LRP1B: variants seen among roughly 807,000 people sequenced by gnomAD.
The protein encoded by LRP1B is low-density lipoprotein receptor-related protein 1B.
In LRP1B, 217 loss-of-function variants were observed where a neutral mutation model predicts 556.6. That is an observed-to-expected ratio of 0.39 (90% CI 0.35 to 0.44). LRP1B has a LOEUF of 0.44. Among genes scored for constraint, LRP1B ranks in the 20% least tolerant of loss-of-function variants. LRP1B has a pLI of 1.00. For missense variants in LRP1B, 5,053 were observed against 5,620.8 expected, an observed-to-expected ratio of 0.90 and a Z score of 3.23; for synonymous variants, 2,047 against 1,865.8, an observed-to-expected ratio of 1.10 and a Z score of -2.50.
intron 2 of LRP1B, among the ~76,000 whole-genome samples, chr2:141,659,800 C>G (rs984412001): frequency 1.3e-5 from 2 of 152,076 alleles, no homozygotes; most frequent in Non-Finnish European, 2.9e-5. Context: ...ATCTCTCATA[C>G]AGGAAGCACT....
chr2:140,284,369 A>T (rs1006919029), intron 84 of LRP1B, among the ~76,000 whole-genome samples: 9 of 145,384 alleles, frequency 6.2e-5, no homozygotes, highest in African/African-American at 2.3e-4. Context: ...CTGGAAAGGA[A>T]TTCATGGAGA....
intron 2 of LRP1B, among the ~76,000 whole-genome samples, chr2:141,689,720 T>G (rs1285618236): frequency 6.6e-6 from 1 of 151,790 alleles, no homozygotes; most frequent in Non-Finnish European, 1.5e-5. Flanking sequence ...AAAACTTCCT[T>G]GATAAAGGTT....
chr2:140,748,417 AATAT>A (rs1218683579), intron 35 of LRP1B, among the ~76,000 whole-genome samples: 1 of 98,042 alleles, frequency 1.0e-5, no homozygotes, highest in African/African-American at 3.6e-5. Context: ...ATTCATATAT[AATAT>A]ATATTATATT....
intron 67 of LRP1B, among the ~76,000 whole-genome samples, chr2:140,381,543 G>A (rs935702184): frequency 2.0e-5 from 3 of 152,014 alleles, no homozygotes; most frequent in Non-Finnish European, 4.4e-5. Flanking sequence ...TGTTTCAGAA[G>A]GCTAATTGGG....
chr2:141,777,272 T>A (rs1455762372), intron 2 of LRP1B, among the ~76,000 whole-genome samples: 1 of 151,848 alleles, frequency 6.6e-6, no homozygotes. Flanking sequence ...ATAAAGAAAA[T>A]CCAACTTCAA....
chr2:141,540,425 GT>G (rs1368213815), intron 2 of LRP1B, among the ~76,000 whole-genome samples: 1 of 151,964 alleles, frequency 6.6e-6, no homozygotes, highest in Non-Finnish European at 1.5e-5. Context: ...TCTAATTTGA[GT>G]TTTAAAGAGT....
chr2:141,005,695 A>G (rs1444211593), intron 14 of LRP1B, among the ~76,000 whole-genome samples: 2 of 151,996 alleles, frequency 1.3e-5, no homozygotes, highest in African/African-American at 4.8e-5. Flanking sequence ...GAGTGAAGTT[A>G]GGTTCTAGGT....
chr2:141,981,562 G>A (rs547755523), intron 1 of LRP1B, among the ~76,000 whole-genome samples: 1 of 152,198 alleles, frequency 6.6e-6, no homozygotes, highest in South Asian at 2.1e-4. Context: ...GAGATTATAA[G>A]CAGGGGATTT....
At chr2:141,372,553 T>C (rs1423222700) in intron 3 of LRP1B, among the ~76,000 whole-genome samples, 1 of 152,028 alleles carries the variant, frequency 6.6e-6, no homozygotes, top group African/African-American at 2.4e-5. Context: ...TTTTATTACT[T>C]ATTCAATCCC....
At chr2:141,585,371 T>G (rs1175596332) in intron 2 of LRP1B, among the ~76,000 whole-genome samples, 1 of 151,968 alleles carries the variant, frequency 6.6e-6, no homozygotes, top group Admixed American at 6.6e-5. Context: ...AAAATACTCA[T>G]GTTAGTAGGC....
At chr2:141,303,729 A>T (rs1402101118) in intron 3 of LRP1B, among the ~76,000 whole-genome samples, 1 of 152,156 alleles carries the variant, frequency 6.6e-6, no homozygotes, top group Non-Finnish European at 1.5e-5. Flanking sequence ...CAGTAAATAC[A>T]GAGATGCAGG....
intron 23 of LRP1B, among the ~76,000 whole-genome samples, chr2:140,900,730 TAAG>T (rs1386889449): frequency 1.3e-5 from 2 of 151,810 alleles, no homozygotes; most frequent in East Asian, 1.9e-4. Flanking sequence ...TGTAAAGAAA[TAAG>T]AAGATATCTA....
chr2:141,259,757 A>C (rs1312503747), intron 3 of LRP1B, among the ~76,000 whole-genome samples: 1 of 152,224 alleles, frequency 6.6e-6, no homozygotes, highest in Non-Finnish European at 1.5e-5. Flanking sequence ...TAAAGCTCTC[A>C]TTACATGCTT....
At chr2:140,932,270 A>C (rs1353213243) in intron 20 of LRP1B, among the ~76,000 whole-genome samples, 5 of 152,120 alleles carry the variant, frequency 3.3e-5, no homozygotes, top group Admixed American at 2.0e-4. Flanking sequence ...TCAAGATTAC[A>C]GATCTTTATA....
At chr2:141,564,028 T>C (rs1438957945) in intron 2 of LRP1B, among the ~76,000 whole-genome samples, 1 of 152,026 alleles carries the variant, frequency 6.6e-6, no homozygotes, top group Non-Finnish European at 1.5e-5. Flanking sequence ...AAAGTTGAAA[T>C]TATTTTACAA....
chr2:141,510,513 A>G (rs980201761), intron 2 of LRP1B, among the ~76,000 whole-genome samples: 2 of 152,064 alleles, frequency 1.3e-5, no homozygotes, highest in Non-Finnish European at 2.9e-5. Flanking sequence ...TTTTACCAGC[A>G]GGTGTGTTGG....
At chr2:140,696,016 G>A (rs1359849070) in intron 41 of LRP1B, among the ~76,000 whole-genome samples, 3 of 152,088 alleles carry the variant, frequency 2.0e-5, no homozygotes, top group Non-Finnish European at 4.4e-5. Context: ...GTGAAATTTA[G>A]AACTCTCTGA....
At chr2:141,010,951 GGTGTGTGTGT>G (rs71995663) in intron 14 of LRP1B, among the ~76,000 whole-genome samples, 14 of 144,662 alleles carry the variant, frequency 9.7e-5, no homozygotes, top group South Asian at 4.4e-4. Flanking sequence ...CTTGTCAGAT[GGTGTGTGTGT>G]GTGTGTGTGT....
chr2:140,803,141 T>G (rs2105012574), intron 32 of LRP1B, among the ~76,000 whole-genome samples: 1 of 152,274 alleles, frequency 6.6e-6, no homozygotes, highest in South Asian at 2.1e-4. Context: ...ATCAATCTGT[T>G]TTCCCCTTTC....
Sources: gnomAD v4.1 joint callset for allele counts (sites outside exome capture counted in the v4.1 genomes callset) on GRCh38, gnomAD v4.1.1 for gene constraint, MANE v1.5 for transcripts, NCBI Gene and HGNC (gene_info 2026-07-23, HGNC 2026-07-21) for gene names.